The following XKR4 variants were observed in gnomAD, a reference collection of about 807,000 sequenced individuals.
XKR4 encodes XK-related protein 4.
Under a neutral mutation model 53.9 loss-of-function variants are expected in XKR4, and 12 were observed. The ratio of observed to expected loss-of-function variants is 0.22; its 90% CI spans 0.14 to 0.36. XKR4 has a LOEUF of 0.36. Among genes scored for constraint, XKR4 ranks in the 10% least tolerant of loss-of-function variants. The pLI is 1.00. For synonymous variants in XKR4, 354 were observed against 362.4 expected (o/e 0.98, Z 0.26); for missense variants, 799 against 859.5 (o/e 0.93, Z 0.88).
At chr8:55,519,451 C>A (rs1222063903) in intron 2 of XKR4, among the ~76,000 whole-genome samples, 1 of 152,184 alleles carries the variant, frequency 6.6e-6, no homozygotes, top group Non-Finnish European at 1.5e-5. Flanking sequence ...GAAGAAGCAG[C>A]AGGTAAACCC....
At chr8:55,358,897 A>C (rs1803859666) in intron 2 of XKR4, among the ~76,000 whole-genome samples, 2 of 152,156 alleles carry the variant, frequency 1.3e-5, no homozygotes, top group African/African-American at 4.8e-5. Flanking sequence ...TATGGCATGG[A>C]GCATGCTAGT....
chr8:55,474,798 C>T lies in XKR4; in HGVS notation c.1007-48483C>T, dbSNP rs534415764. 1.6e-3 allele frequency among the ~76,000 whole-genome samples: 237 copies of T among 152,178 alleles called. 2 individuals carry two copies. Among genetic ancestry groups the T allele is most frequent in the Non-Finnish European group, 2.4e-3 (163 of 68,026 alleles). On this transcript the variant is annotated intron_variant, in intron 2 of 2. Transcript: ENST00000327381. ...AACCATGCACCCAATGCTTTATTCC[C>T]GTATCTCATTAGGTAATCTATATCT...
At chr8:55,153,673 T>G (rs1816868071) in intron 1 of XKR4, among the ~76,000 whole-genome samples, 1 of 152,224 alleles carries the variant, frequency 6.6e-6, no homozygotes, top group South Asian at 2.1e-4. Flanking sequence ...AATTCCTTTC[T>G]CTTTGAAAGG....
chr8:55,305,794 G>A (rs1280497803), intron 1 of XKR4, among the ~76,000 whole-genome samples: 1 of 151,966 alleles, frequency 6.6e-6, no homozygotes, highest in Admixed American at 6.6e-5. Flanking sequence ...ATCACTGAAG[G>A]AAAAATATAT....
chr8:55,365,707 CAA>C (rs397932881), intron 2 of XKR4, among the ~76,000 whole-genome samples: 1,623 of 76,108 alleles, frequency 0.021, 11 homozygotes, highest in African/African-American at 0.048. Flanking sequence ...AACTTCGTCT[CAA>C]AAAAAAAAAA....
At chr8:55,449,737 G>A in intron 2 of XKR4, 2 of 950,568 alleles carry the variant, frequency 2.1e-6, no homozygotes, top group Non-Finnish European at 3.5e-6. Flanking sequence ...GGTGGTCGTA[G>A]TAGCGTAGCT....
At chr8:55,490,316 G>A (rs1806253227) in intron 2 of XKR4, among the ~76,000 whole-genome samples, 1 of 152,152 alleles carries the variant, frequency 6.6e-6, no homozygotes, top group Non-Finnish European at 1.5e-5. Flanking sequence ...ATTATCCTAA[G>A]TGAATTACCA....
intron 1 of XKR4, among the ~76,000 whole-genome samples, chr8:55,172,303 T>C (rs1230739983): frequency 6.6e-6 from 1 of 152,116 alleles, no homozygotes; most frequent in Non-Finnish European, 1.5e-5. Context: ...TCCTCATCTC[T>C]GAAATGGAGA....
intron 1 of XKR4, among the ~76,000 whole-genome samples, chr8:55,115,222 G>C (rs1290712160): frequency 6.6e-6 from 1 of 152,136 alleles, no homozygotes; most frequent in Non-Finnish European, 1.5e-5. Context: ...CAGCTCAAAT[G>C]GTCAGAAAGG....
chr8:55,256,932 C>T (rs1563494722), intron 1 of XKR4, among the ~76,000 whole-genome samples: 1 of 152,146 alleles, frequency 6.6e-6, no homozygotes, highest in Non-Finnish European at 1.5e-5. Flanking sequence ...AATCAAGGGT[C>T]CAGCAGATGT....
chr8:55,347,386 TGGTGTAGTG>T (rs543613072), intron 1 of XKR4, among the ~76,000 whole-genome samples: 46 of 152,304 alleles, frequency 3.0e-4, no homozygotes, highest in Non-Finnish European at 6.2e-4. Flanking sequence ...TCCGTGTGCA[TGGTGTAGTG>T]GGGAGTTATG....
chr8:55,273,800 T>A (rs904831111), intron 1 of XKR4, among the ~76,000 whole-genome samples: 8 of 152,202 alleles, frequency 5.3e-5, no homozygotes, highest in Non-Finnish European at 1.2e-4. Flanking sequence ...ATTTGAGTAA[T>A]AATAAAACTC....
intron 1 of XKR4, among the ~76,000 whole-genome samples, chr8:55,145,262 G>A (rs532477173): frequency 3.4e-4 from 51 of 152,166 alleles, no homozygotes; most frequent in African/African-American, 8.9e-4. Flanking sequence ...CCACTCACAC[G>A]CTCTGCAGAC....
intron 1 of XKR4, among the ~76,000 whole-genome samples, chr8:55,304,755 C>T (rs1585999786): frequency 6.6e-6 from 1 of 152,120 alleles, no homozygotes; most frequent in East Asian, 1.9e-4. Flanking sequence ...ATGTAATGGC[C>T]TTCTTTGTCT....
intron 2 of XKR4, among the ~76,000 whole-genome samples, chr8:55,458,009 A>T (rs922835008): frequency 6.6e-6 from 1 of 152,192 alleles, no homozygotes; most frequent in Admixed American, 6.5e-5. Flanking sequence ...GAGATATACC[A>T]TGCTCACTGA....
At chr8:55,420,209 G>A (rs963719278) in intron 2 of XKR4, among the ~76,000 whole-genome samples, 1 of 152,104 alleles carries the variant, frequency 6.6e-6, no homozygotes, top group Non-Finnish European at 1.5e-5. Flanking sequence ...AAAAGATTGT[G>A]CATAAAAGGA....
chr8:55,511,707 T>C (rs1197000980), intron 2 of XKR4, among the ~76,000 whole-genome samples: 1 of 152,246 alleles, frequency 6.6e-6, no homozygotes, highest in Non-Finnish European at 1.5e-5. Context: ...AAGCCAATAA[T>C]ATTAAGTACA....
At chr8:55,516,858 A>G (rs994776469) in intron 2 of XKR4, among the ~76,000 whole-genome samples, 2 of 152,228 alleles carry the variant, frequency 1.3e-5, no homozygotes, top group African/African-American at 4.8e-5. Context: ...AATAGCAAAA[A>G]TATGGAGTCA....
chr8:55,314,504 GA>G (rs1017521022), intron 1 of XKR4, among the ~76,000 whole-genome samples: 5 of 152,162 alleles, frequency 3.3e-5, no homozygotes, highest in African/African-American at 1.2e-4. Context: ...GCCGTGCTGA[GA>G]CAAACACCTG....
Sources: gnomAD v4.1 joint callset for allele counts (sites outside exome capture counted in the v4.1 genomes callset) on GRCh38, gnomAD v4.1.1 for gene constraint, MANE v1.5 for transcripts, NCBI Gene and HGNC (gene_info 2026-07-23, HGNC 2026-07-21) for gene names.